FMN2: variants seen among roughly 807,000 people sequenced by gnomAD.
FMN2 encodes the protein formin-2.
In FMN2, 51 loss-of-function variants were observed where a neutral mutation model predicts 142.3. The ratio of observed to expected loss-of-function variants is 0.36; its 90% CI spans 0.29 to 0.45. FMN2 has a LOEUF of 0.45. FMN2 is among the 20% of genes least tolerant of loss of function. The pLI is 1.00. For missense variants in FMN2, 1,936 were observed against 2,122.8 expected (o/e 0.91, Z 1.73); for synonymous variants, 882 against 869.8 (o/e 1.01, Z -0.25).
chr1:240,388,521 G>A (rs1257603333), intron 14 of FMN2, among the ~76,000 whole-genome samples: 2 of 151,990 alleles, frequency 1.3e-5, no homozygotes, highest in South Asian at 2.1e-4. Flanking sequence ...TTTATGGTCC[G>A]AGGTGGAGGA....
At chr1:240,328,608 A>T (rs1671276181) in intron 8 of FMN2, among the ~76,000 whole-genome samples, 2 of 60,214 alleles carry the variant, frequency 3.3e-5, no homozygotes, top group African/African-American at 1.2e-4. Flanking sequence ...TATTTATTTG[A>T]GACAAGAGTC....
intron 6 of FMN2, among the ~76,000 whole-genome samples, chr1:240,238,626 T>A (rs1667785960): frequency 6.6e-6 from 1 of 152,226 alleles, no homozygotes; most frequent in Non-Finnish European, 1.5e-5. Context: ...AGTTTTTATT[T>A]GTTCATTTCA....
chr1:240,202,124 C>G (rs1483066795), intron 4 of FMN2, among the ~76,000 whole-genome samples: 1 of 152,128 alleles, frequency 6.6e-6, no homozygotes, highest in Non-Finnish European at 1.5e-5. Context: ...ATGAATCTAG[C>G]TGCAAGGGAG....
chr1:240,154,044 A>T (rs1663902179), intron 2 of FMN2, among the ~76,000 whole-genome samples: 1 of 134,092 alleles, frequency 7.5e-6, no homozygotes, highest in African/African-American at 2.8e-5. Flanking sequence ...CAGGAGGCGG[A>T]GGTTGCAGTG....
intron 4 of FMN2, among the ~76,000 whole-genome samples, chr1:240,193,946 C>G (rs1245536911): frequency 6.6e-6 from 1 of 152,198 alleles, no homozygotes; most frequent in African/African-American, 2.4e-5. Flanking sequence ...TTTCCCTTGC[C>G]ATCCTCAGTC....
chr1:240,346,294 TATAAC>T, intron 13 of FMN2, among the ~76,000 whole-genome samples: 2 of 152,148 alleles, frequency 1.3e-5, no homozygotes, highest in South Asian at 4.1e-4. Flanking sequence ...TAAAAATAAT[TATAAC>T]AATATACTGT....
chr1:240,217,777 T>C (rs1198801591), intron 6 of FMN2, among the ~76,000 whole-genome samples: 2 of 151,972 alleles, frequency 1.3e-5, no homozygotes, highest in African/African-American at 4.8e-5. Context: ...GTAAGATTGT[T>C]TTTATACTTC....
At chr1:240,184,673 G>A (rs1665321283) in intron 3 of FMN2, among the ~76,000 whole-genome samples, 1 of 151,970 alleles carries the variant, frequency 6.6e-6, no homozygotes, top group African/African-American at 2.4e-5. Flanking sequence ...CGATGGAGAT[G>A]ATCAGTCTGT....
chr1:240,329,144 C>G lies in FMN2; in HGVS notation c.4284C>G (p.Ala1428=), dbSNP rs769226628. 3 of 1,613,948 alleles carry G rather than the reference C, an allele frequency of 1.9e-6. No individual in the cohort carries two copies. The highest frequency in any genetic ancestry group is 2.2e-5 in the South Asian group (2 of 91,090). ...HGRSSKDKEN[A]KSLDKPEQFL... is the part of the protein sequence containing the mutation. Reference sequence around the variant, plus strand: ...GATCTTCCAAAGACAAGGAAAATGCCAAGTCTCTGGACAAACCTGAACAGT... The same window carrying G: ...GATCTTCCAAAGACAAGGAAAATGCGAAGTCTCTGGACAAACCTGAACAGT... Residue 1428 remains alanine, a synonymous_variant, in exon 9 of 18, where the codon GCC becomes GCG. Coordinates refer to ENST00000319653, the MANE Select transcript of FMN2 (RefSeq NM_020066.5).
intron 15 of FMN2, among the ~76,000 whole-genome samples, chr1:240,406,892 A>G (rs902900742): frequency 5.9e-5 from 9 of 152,194 alleles, no homozygotes; most frequent in African/African-American, 1.9e-4. Context: ...TTACAGATAT[A>G]ACCATCCTGA....
At chr1:240,326,645 A>T (rs1023551229) in intron 8 of FMN2, among the ~76,000 whole-genome samples, 1 of 152,114 alleles carries the variant, frequency 6.6e-6, no homozygotes, top group African/African-American at 2.4e-5. Flanking sequence ...GATTGAGTGT[A>T]TATTAAGGTG....
chr1:240,397,576 GACCAGCCTGGTCA>G (rs1359235729), intron 15 of FMN2, among the ~76,000 whole-genome samples: 5 of 152,128 alleles, frequency 3.3e-5, no homozygotes, highest in Admixed American at 6.5e-5. Flanking sequence ...AGGAGTTTGA[GACCAGCCTGGTCA>G]ACCAGCCTGG....
intron 2 of FMN2, among the ~76,000 whole-genome samples, chr1:240,126,840 T>C (rs1662528748): frequency 6.6e-6 from 1 of 152,234 alleles, no homozygotes; most frequent in Admixed American, 6.5e-5. Context: ...TTTTTCAGAA[T>C]GCATAGGCTA....
At chr1:240,160,179 G>A in intron 2 of FMN2, among the ~76,000 whole-genome samples, 1 of 150,620 alleles carries the variant, frequency 6.6e-6, no homozygotes, top group African/African-American at 2.4e-5. Flanking sequence ...GAAAACAGAG[G>A]AGGAATGAAC....
rs1181158072 is a variant in FMN2 at position 240,144,698 on chromosome 1, G to A, written c.1782+21353G>A. On this transcript the variant is annotated intron_variant, in intron 2 of 17. Coordinates refer to ENST00000319653, the MANE Select transcript of FMN2 (RefSeq NM_020066.5). ...ACTGGTGAGATAAAGGCAGACCTTT[G>A]TGTATGCATTCTCATCAATGTCCTT... 4 of 1,294,730 alleles carry A rather than the reference G, an allele frequency of 3.1e-6. No individual in the cohort carries two copies. In the East Asian group the frequency reaches 6.9e-5, roughly 22 times the overall value. The allele number at this position is 1,294,730 out of a possible 1,614,324, so 80.2% of individuals were successfully genotyped here. A position where few individuals can be genotyped will look rare whatever the true frequency, so the allele number is the denominator to read the frequency against.
intron 7 of FMN2, among the ~76,000 whole-genome samples, chr1:240,259,593 A>AT (rs1668560319): frequency 6.6e-6 from 1 of 151,120 alleles, no homozygotes; most frequent in Admixed American, 6.6e-5. Context: ...ATTGTCTGCA[A>AT]ACAGGATTTA....
intron 16 of FMN2, among the ~76,000 whole-genome samples, chr1:240,454,880 T>C (rs1449727657): frequency 6.6e-6 from 1 of 152,136 alleles, no homozygotes; most frequent in Non-Finnish European, 1.5e-5. Flanking sequence ...TGTTTTTTAA[T>C]GTCATGGGCC....
Position 240,171,062 on chromosome 1 carries a change from G to A in FMN2, c.1783-6859G>A, listed in dbSNP as rs1435577047. ...GTGGTGGTTGGAGTAGCTGCTTCAG[G>A]TCAAGAAATTGCCACTCATCCATTC... is the stretch of plus-strand genomic sequence containing the variant. On this transcript the variant is annotated intron_variant, in intron 2 of 17. Coordinates refer to ENST00000319653, the MANE Select transcript of FMN2 (RefSeq NM_020066.5). 2.2e-5 allele frequency: 30 copies of A among 1,342,690 alleles called. 1 individual carries two copies. In the South Asian group the frequency reaches 3.5e-4, roughly 16 times the overall value. The allele number at this position is 1,342,690 out of a possible 1,614,324, so 83.2% of individuals were successfully genotyped here.
intron 7 of FMN2, among the ~76,000 whole-genome samples, chr1:240,292,313 A>G (rs1052069620): frequency 1.3e-5 from 2 of 152,224 alleles, no homozygotes; most frequent in African/African-American, 4.8e-5. Flanking sequence ...GTAGGTAAGT[A>G]CATAAGTAAA....
Sources: allele counts gnomAD v4.1 joint callset (sites outside exome capture counted in the v4.1 genomes callset), GRCh38; gene constraint gnomAD v4.1.1; transcripts MANE v1.5; gene names NCBI Gene and HGNC (gene_info 2026-07-23, HGNC 2026-07-21).